Variants in VPS37C observed in about 807,000 individuals in gnomAD.
VPS37C encodes the protein VPS37C subunit of ESCRT-I.
VPS37C carries 9 observed loss-of-function variants against 16.1 expected under a neutral mutation model. The observed-to-expected ratio is 0.56, with a 90% confidence interval of 0.34 to 0.97. VPS37C has a LOEUF of 0.97. VPS37C is among the 50% of genes least tolerant of loss of function. VPS37C has a pLI of 0.02. For missense variants in VPS37C, 479 were observed against 472.7 expected (o/e 1.01, Z -0.12); for synonymous variants, 207 against 206.4 (o/e 1.00, Z -0.02).
intron 1 of VPS37C, among the ~76,000 whole-genome samples, chr11:61,156,159 G>T (rs763143027): frequency 3.9e-5 from 6 of 152,120 alleles, no homozygotes; most frequent in Non-Finnish European, 5.9e-5. Flanking sequence ...AAAGGAAAAA[G>T]GGAACAAAGC....
intron 1 of VPS37C, among the ~76,000 whole-genome samples, chr11:61,159,225 C>T (rs1263610310): frequency 6.6e-6 from 1 of 152,196 alleles, no homozygotes; most frequent in Non-Finnish European, 1.5e-5. Flanking sequence ...AATGTCACTT[C>T]CAAGCTACCA....
At chr11:61,146,184 T>G (rs1853204828) in intron 1 of VPS37C, among the ~76,000 whole-genome samples, 1 of 152,186 alleles carries the variant, frequency 6.6e-6, no homozygotes, top group Non-Finnish European at 1.5e-5. Context: ...CCTGCTCGCA[T>G]TTCTCCACTC....
chr11:61,136,122 A>G (rs1006844075), intron 2 of VPS37C, among the ~76,000 whole-genome samples: 1 of 151,998 alleles, frequency 6.6e-6, no homozygotes, highest in African/African-American at 2.4e-5. Flanking sequence ...CAAATACTCA[A>G]GGTGATGGAG....
chr11:61,139,235 G>A (rs538711461), intron 1 of VPS37C, among the ~76,000 whole-genome samples: 25 of 152,274 alleles, frequency 1.6e-4, no homozygotes, highest in Middle Eastern at 3.4e-3. Context: ...CATGCCCTCT[G>A]GTAGGTGTCT....
chr11:61,145,786 A>AGG (rs1165982475), intron 1 of VPS37C, among the ~76,000 whole-genome samples: 1 of 152,180 alleles, frequency 6.6e-6, no homozygotes, highest in Non-Finnish European at 1.5e-5. Flanking sequence ...GTAGAGAACT[A>AGG]GGGGGTTCCT....
intron 1 of VPS37C, among the ~76,000 whole-genome samples, chr11:61,157,520 T>G (rs1565197582): frequency 6.6e-6 from 1 of 152,264 alleles, no homozygotes; most frequent in Non-Finnish European, 1.5e-5. Context: ...ATGTGCTTAT[T>G]GGTCATTTGT....
At chr11:61,148,784 T>C (rs1853254312) in intron 1 of VPS37C, among the ~76,000 whole-genome samples, 1 of 152,224 alleles carries the variant, frequency 6.6e-6, no homozygotes, top group Non-Finnish European at 1.5e-5. Context: ...TTGCCCAGGC[T>C]AGAGTGCAGG....
intron 1 of VPS37C, among the ~76,000 whole-genome samples, chr11:61,150,557 GT>G (rs569932213): frequency 1.9e-4 from 28 of 147,238 alleles, no homozygotes; most frequent in African/African-American, 6.3e-4. Context: ...AAGGAGTTTT[GT>G]TTTTTTTTTT....
chr11:61,131,761 G>A lies in VPS37C; in HGVS notation c.*59C>T, dbSNP rs1054308315. 2 of 1,238,038 alleles carry A rather than the reference G, an allele frequency of 1.6e-6. No homozygotes were observed. The highest frequency in any genetic ancestry group is 1.5e-5 in the African/African-American group (1 of 64,564). 76.7% of individuals were successfully genotyped at this position (1,238,038 alleles called of 1,614,324 possible). ...AGTTGACCCTCGAATCTCGGCGATG[G>A]CTGGGCCAAAGGTTGAGCGTGGGTG... On this transcript the variant is annotated 3_prime_UTR_variant, in exon 5 of 5. Transcript: ENST00000301765.
chr11:61,150,966 C>T (rs1853289940), intron 1 of VPS37C, among the ~76,000 whole-genome samples: 1 of 152,222 alleles, frequency 6.6e-6, no homozygotes, highest in South Asian at 2.1e-4. Flanking sequence ...TACACAGCAA[C>T]TAAGGTAATC....
At chr11:61,135,884 G>A (rs746851408) in intron 2 of VPS37C, among the ~76,000 whole-genome samples, 6 of 152,114 alleles carry the variant, frequency 3.9e-5, no homozygotes, top group Non-Finnish European at 5.9e-5. Context: ...ACAAATCGAC[G>A]CTGTATCATT....
intron 1 of VPS37C, among the ~76,000 whole-genome samples, chr11:61,153,796 A>G (rs1270707279): frequency 6.6e-6 from 1 of 152,202 alleles, no homozygotes; most frequent in Non-Finnish European, 1.5e-5. Flanking sequence ...AGTACCAGAG[A>G]GGAAAGGGCC....
At chr11:61,141,364 T>A (rs1176453985) in intron 1 of VPS37C, among the ~76,000 whole-genome samples, 1 of 147,046 alleles carries the variant, frequency 6.8e-6, no homozygotes, top group East Asian at 2.0e-4. Flanking sequence ...CAAGACTCGG[T>A]CTCAAAAAAA....
intron 1 of VPS37C, among the ~76,000 whole-genome samples, chr11:61,149,778 C>A (rs1853269892): frequency 6.6e-6 from 1 of 152,216 alleles, no homozygotes; most frequent in South Asian, 2.1e-4. Context: ...TACATAACAA[C>A]TGAATGCTCC....
intron 2 of VPS37C, 187 bp downstream of exon 2, chr11:61,138,550 C>A: frequency 3.4e-6 from 2 of 590,988 alleles, no homozygotes; most frequent in South Asian, 4.0e-5. Context: ...CTCCCCAGCA[C>A]TCCCAAGAAC....
chr11:61,150,157 AG>A (rs1853275423), intron 1 of VPS37C, among the ~76,000 whole-genome samples: 1 of 152,038 alleles, frequency 6.6e-6, no homozygotes, highest in Admixed American at 6.5e-5. Flanking sequence ...CGTTTCTATC[AG>A]TGACTTCAGC....
intron 1 of VPS37C, among the ~76,000 whole-genome samples, chr11:61,157,849 A>G (rs1277689214): frequency 6.6e-6 from 1 of 152,244 alleles, no homozygotes; most frequent in Non-Finnish European, 1.5e-5. Context: ...CAGATCCCTC[A>G]TGAATGGCTT....
intron 1 of VPS37C, 133 bp from the exon 2 acceptor site, chr11:61,138,968 G>A (rs1286926931): frequency 2.5e-6 from 2 of 796,822 alleles, no homozygotes; most frequent in African/African-American, 1.7e-5. Context: ...GAGGCTCGAG[G>A]AGAGGCAGAA....
At chr11:61,139,855 C>T (rs929812581) in intron 1 of VPS37C, among the ~76,000 whole-genome samples, 3 of 151,742 alleles carry the variant, frequency 2.0e-5, no homozygotes, top group African/African-American at 7.3e-5. Context: ...ATGATCCTCC[C>T]ACCTCAACCT....
Sources: gnomAD v4.1 joint callset for allele counts (sites outside exome capture counted in the v4.1 genomes callset) on GRCh38, gnomAD v4.1.1 for gene constraint, MANE v1.5 for transcripts, NCBI Gene and HGNC (gene_info 2026-07-23, HGNC 2026-07-21) for gene names.